PCNX2: variants seen among roughly 807,000 people sequenced by gnomAD.
The protein encoded by PCNX2 is pecanex 2.
PCNX2 carries 168 observed loss-of-function variants against 223.8 expected under a neutral mutation model. The ratio of observed to expected loss-of-function variants is 0.75; its 90% CI spans 0.66 to 0.85. The LOEUF is 0.85. Ranked by LOEUF, PCNX2 falls within the 40% of genes least tolerant of loss-of-function variation. The pLI is 0.00. For synonymous variants in PCNX2, 1,006 were observed against 1,052.6 expected (o/e 0.96, Z 0.86); for missense variants, 2,507 against 2,675.5 (o/e 0.94, Z 1.39).
In PCNX2 at chr1:233,000,515, G is replaced by T. The variant is rs141432578; in HGVS notation, c.5118C>A (p.Asp1706Glu). The change falls in exon 30 of 34, where the codon GAC (aspartate) becomes GAA (glutamate). Residue 1706 changes from aspartate (D) to glutamate (E), a missense_variant. Physicochemically the swap from Asp to Glu is conservative, Grantham distance 45. This residue lies in a region of PCNX2 where 1,372 missense variants were observed against 1,509.4 expected (regional missense o/e 0.91). Coordinates refer to ENST00000258229, the MANE Select transcript of PCNX2 (RefSeq NM_014801.4). This position sits in a 1 kb window ranked among gnomAD's most constrained non-coding sequence, Gnocchi z 4.6. ...KLHQDQFTCP[D>E]EYEDPAVLYE... Reference sequence around the variant, plus strand: ...AGAGGACTGCTGGGTCTTCATACTCGTCAGGGCAAGTGAACTGGTCCTGGT... The same window carrying T: ...AGAGGACTGCTGGGTCTTCATACTCTTCAGGGCAAGTGAACTGGTCCTGGT... 7.5e-6 allele frequency: 12 copies of T among 1,598,562 alleles called. No homozygotes were observed. The highest frequency in any genetic ancestry group is 6.7e-5 in the African/African-American group (5 of 74,898).
intron 17 of PCNX2, among the ~76,000 whole-genome samples, chr1:233,168,336 T>C (rs1678925340): frequency 6.6e-6 from 1 of 152,164 alleles, no homozygotes. Context: ...CCTGTTGATG[T>C]TAAACCAGGC....
At position 233,295,502 on chromosome 1, in the gene PCNX2, G is replaced by C; in HGVS notation, c.-24C>G. Reference sequence around the variant, plus strand: ...ATGCCGGCTGCGCCCCGGGGCTGGTGAGCGCCCCGCTGCACCCTGCGCGCC... The same window carrying C: ...ATGCCGGCTGCGCCCCGGGGCTGGTCAGCGCCCCGCTGCACCCTGCGCGCC... On this transcript the variant is annotated 5_prime_UTR_variant, in exon 1 of 34. Transcript: ENST00000258229. The surrounding 1 kb of genome is among the most constrained non-coding windows in gnomAD (Gnocchi z 4.1). 1.3e-6 allele frequency: 2 copies of C among 1,539,540 alleles called. No individual in the cohort carries two copies. The highest frequency in any genetic ancestry group is 4.9e-5 in the East Asian group (2 of 40,710).
intron 19 of PCNX2, 25 bp downstream of exon 19, chr1:233,160,258 T>C (rs1164794113): frequency 2.5e-6 from 4 of 1,599,384 alleles, no homozygotes; most frequent in African/African-American, 1.3e-5. Context: ...TTTTTTTTTT[T>C]TTAAATGAGG....
intron 16 of PCNX2, among the ~76,000 whole-genome samples, chr1:233,178,271 G>C (rs911495): frequency 0.35 from 53,358 of 151,994 alleles, 11,818 homozygotes; most frequent in African/African-American, 0.61. Context: ...TTTAACTTTT[G>C]TTTCCCCCAT....
chr1:233,199,162 G>T, intron 14 of PCNX2, 132 bp from the exon 15 acceptor site: 1 of 800,276 alleles, frequency 1.2e-6, no homozygotes, highest in Non-Finnish European at 2.0e-6. Flanking sequence ...ACATCTATGG[G>T]ATCCATCAAA....
intron 1 of PCNX2, chr1:233,289,103 C>CT: frequency 1.0e-6 from 1 of 954,020 alleles, no homozygotes; most frequent in Non-Finnish European, 1.7e-6. Context: ...TCCTGGGATG[C>CT]TTTTGCTTAT....
Position 233,295,581 on chromosome 1 carries a change from C to T in PCNX2, c.-103G>A. 1.6e-6 allele frequency: 2 copies of T among 1,213,682 alleles called. No individual in the cohort carries two copies. The highest frequency in any genetic ancestry group is 2.1e-6 in the Non-Finnish European group (2 of 957,172). The allele number at this position is 1,213,682 out of a possible 1,614,324, so 75.2% of individuals were successfully genotyped here. On this transcript the variant is annotated 5_prime_UTR_variant, in exon 1 of 34. Transcript: ENST00000258229. The surrounding 1 kb of genome is among the most constrained non-coding windows in gnomAD (Gnocchi z 4.1). The stretch of plus-strand genomic sequence containing the variant: ...CTAACACCCGGGCCCGCGGGCCGCG[C>T]CCCCGCCGTCGCCGCCGCCGTCGCC...
In PCNX2 at chr1:233,182,925, C is replaced by A. The variant is rs148638338; in HGVS notation, c.3067-3750G>T. Among the ~76,000 whole-genome samples, 517 of 151,976 alleles carry A rather than the reference C, an allele frequency of 3.4e-3. 2 individuals carry two copies. Among genetic ancestry groups the A allele is most frequent in the African/African-American group, 9.0e-3 (374 of 41,456 alleles). ...AAAGTGTCTCTTTTTTTTTCAGGGG[C>A]ATAGCTGGGCTCTGCCCCTCAGCAG... On this transcript the variant is annotated intron_variant, in intron 15 of 33. Coordinates refer to ENST00000258229, the MANE Select transcript of PCNX2 (RefSeq NM_014801.4).
chr1:233,244,815 A>G (rs1659005941), intron 8 of PCNX2, among the ~76,000 whole-genome samples: 1 of 152,210 alleles, frequency 6.6e-6, no homozygotes, highest in East Asian at 1.9e-4. Flanking sequence ...CTCATTTTAC[A>G]TGTTTCATTT....
chr1:233,236,779 G>A (rs1658441675), intron 9 of PCNX2, 66 bp downstream of exon 9: 1 of 1,579,566 alleles, frequency 6.3e-7, no homozygotes, highest in Non-Finnish European at 8.6e-7. Flanking sequence ...AATCCAACCT[G>A]GAAAAAGGTT....
intron 9 of PCNX2, among the ~76,000 whole-genome samples, chr1:233,230,059 C>G (rs1428583902): frequency 6.6e-6 from 1 of 152,038 alleles, no homozygotes; most frequent in Non-Finnish European, 1.5e-5. Flanking sequence ...TTATATAAAC[C>G]AAATGCTATA....
At chr1:233,187,036 T>C (rs1210299549) in intron 15 of PCNX2, among the ~76,000 whole-genome samples, 1 of 152,202 alleles carries the variant, frequency 6.6e-6, no homozygotes, top group Non-Finnish European at 1.5e-5. Flanking sequence ...TAATAGGACA[T>C]AAAAAGCAGC....
At chr1:233,297,291 A>G (rs1239768727), upstream of PCNX2, among the ~76,000 whole-genome samples, 1 of 152,226 alleles carries the variant, frequency 6.6e-6, no homozygotes, top group African/African-American at 2.4e-5. Flanking sequence ...CTGGGTGTCA[A>G]GCATTTTGCA....
intron 22 of PCNX2, 90 bp downstream of exon 22, chr1:233,095,665 A>C: frequency 1.7e-6 from 2 of 1,198,782 alleles, no homozygotes; most frequent in Non-Finnish European, 1.2e-6. Context: ...TAGACTTTAA[A>C]ATCTTTTTAT....
intron 25 of PCNX2, among the ~76,000 whole-genome samples, chr1:233,052,746 T>C (rs188054425): frequency 6.6e-6 from 1 of 152,294 alleles, no homozygotes; most frequent in East Asian, 1.9e-4. Context: ...AATAAATGTC[T>C]CCTGAATAAC....
intron 25 of PCNX2, among the ~76,000 whole-genome samples, chr1:233,049,613 A>G (rs1487334444): frequency 6.6e-6 from 1 of 152,218 alleles, no homozygotes; most frequent in East Asian, 1.9e-4. Flanking sequence ...TAGCCAGAGC[A>G]GCCAATCCAG....
At chr1:233,299,923 A>G (rs890896908), upstream of PCNX2, among the ~76,000 whole-genome samples, 1 of 152,232 alleles carries the variant, frequency 6.6e-6, no homozygotes, top group Non-Finnish European at 1.5e-5. Flanking sequence ...TCACATTCAG[A>G]AAACAACAAC....
At chr1:233,103,409 C>T (rs1674601021) in intron 21 of PCNX2, among the ~76,000 whole-genome samples, 1 of 152,002 alleles carries the variant, frequency 6.6e-6, no homozygotes, top group Non-Finnish European at 1.5e-5. Flanking sequence ...CATTAACCAT[C>T]ACCACCTCCT....
In PCNX2 at chr1:233,258,611, C is replaced by T. The variant is rs536208111; in HGVS notation, c.1251G>A (p.Ala417=). Residue 417 remains alanine (A), a synonymous_variant, in exon 5 of 34, where the codon GCG becomes GCA. Transcript: ENST00000258229. The part of the protein sequence containing the change: ...KSDAEPTNPG[A]AGSPNAEQIS... ...TCTGCTCGGCATTTGGAGAACCGGC[C>T]GCCCCTGGGTTAGTGGGCTCAGCGT... is the stretch of plus-strand genomic sequence containing the variant. 2.4e-5 allele frequency: 39 copies of T among 1,613,964 alleles called. No individual in the cohort carries two copies. The highest frequency in any genetic ancestry group is 1.1e-4 in the East Asian group (5 of 44,870).
Sources: gnomAD v4.1 joint callset for allele counts (sites outside exome capture counted in the v4.1 genomes callset) on GRCh38, gnomAD v4.1.1 for gene constraint, gnomAD v4.1.1 regional missense constraint, Gnocchi (gnomAD v3.1) non-coding constraint, MANE v1.5 for transcripts, NCBI Gene and HGNC (gene_info 2026-07-23, HGNC 2026-07-21) for gene names.